The following PREX2 variants were observed in gnomAD, a reference collection of about 807,000 sequenced individuals.
PREX2 encodes phosphatidylinositol-3,4,5-trisphosphate dependent Rac exchange factor 2.
In PREX2, 107 loss-of-function variants were observed where a neutral mutation model predicts 203.2. The observed-to-expected ratio is 0.53, with a 90% CI of 0.45 to 0.62. The LOEUF (loss-of-function observed/expected upper bound fraction) is 0.62, where lower values mean the gene tolerates loss of function less well. Among genes scored for constraint, PREX2 ranks in the 20% least tolerant of loss-of-function variants. The probability of loss-of-function intolerance (pLI) is 0.00; values close to 1 mark genes in which losing one functional copy is unlikely to be tolerated. For missense variants in PREX2, 1,777 were observed against 1,955.9 expected, an observed-to-expected ratio of 0.91 and a Z score of 1.72; for synonymous variants, 672 against 663.6, an observed-to-expected ratio of 1.01 and a Z score of -0.19.
At chr8:68,203,112 A>G (rs1388217153) in intron 37 of PREX2, among the ~76,000 whole-genome samples, 1 of 152,150 alleles carries the variant, frequency 6.6e-6, no homozygotes, top group Non-Finnish European at 1.5e-5. Flanking sequence ...CAGCTCAATC[A>G]TTCTAATCAA....
At chr8:68,116,898 C>T (rs1285007242) in intron 26 of PREX2, among the ~76,000 whole-genome samples, 1 of 152,160 alleles carries the variant, frequency 6.6e-6, no homozygotes, top group Non-Finnish European at 1.5e-5. Context: ...ATGATGTCTC[C>T]TCACGTGAAC....
At chr8:68,181,355 C>G (rs1812081638) in intron 35 of PREX2, among the ~76,000 whole-genome samples, 1 of 152,082 alleles carries the variant, frequency 6.6e-6, no homozygotes, top group African/African-American at 2.4e-5. Context: ...ATAATTCTAG[C>G]CATATTCCAT....
chr8:67,998,494 G>A (rs1234592187), intron 1 of PREX2, among the ~76,000 whole-genome samples: 1 of 152,190 alleles, frequency 6.6e-6, no homozygotes, highest in Non-Finnish European at 1.5e-5. Flanking sequence ...CTGAATCCAG[G>A]TATGTTGACT....
rs116660159 is a variant in PREX2, at chr8:68,194,973, G to A, written c.4604+2448G>A. On this transcript the variant is annotated intron_variant, in intron 37 of 39. Coordinates refer to ENST00000288368, the MANE Select transcript of PREX2 (RefSeq NM_024870.4). The stretch of plus-strand genomic sequence containing the variant: ...CAAAGCATCATTGCCTTGAGTATTT[G>A]TGCTCTTCTCTTACCCTGGTACAAG... Among the ~76,000 whole-genome samples, 1,137 of 152,240 alleles carry A rather than the reference G, an allele frequency of 7.5e-3. 14 individuals carry two copies. The highest frequency in any genetic ancestry group is 0.026 in the African/African-American group (1,098 of 41,540).
At chr8:68,171,720 T>C (rs1811881732) in intron 35 of PREX2, among the ~76,000 whole-genome samples, 2 of 151,988 alleles carry the variant, frequency 1.3e-5, no homozygotes, top group South Asian at 4.2e-4. Flanking sequence ...ACAAACAGTA[T>C]ATAGAAATAG....
intron 1 of PREX2, among the ~76,000 whole-genome samples, chr8:67,954,742 A>G (rs2129016443): frequency 6.6e-6 from 1 of 152,356 alleles, no homozygotes; most frequent in South Asian, 2.1e-4. Context: ...AGCCATTAAC[A>G]TGGATGAAGG....
At chr8:68,207,232 A>G (rs892596738) in intron 37 of PREX2, among the ~76,000 whole-genome samples, 2 of 152,210 alleles carry the variant, frequency 1.3e-5, no homozygotes, top group Admixed American at 1.3e-4. Flanking sequence ...AGAAAGGGAA[A>G]TGCAAGGCAA....
At chr8:68,192,136 G>A (rs911338082) in intron 36 of PREX2, among the ~76,000 whole-genome samples, 199 bp from the exon 37 acceptor site, 2 of 152,266 alleles carry the variant, frequency 1.3e-5, no homozygotes, top group Middle Eastern at 3.4e-3. Flanking sequence ...AAGGATTGCA[G>A]TTAGTGCTAT....
chr8:68,052,341 T>G lies in PREX2; in HGVS notation c.944-756T>G, dbSNP rs976952083. ...TCGTTTGCAAGTTATGTCACTATTC[T>G]CTACCCGCTGTTAGGCAGACAGCTA... is the stretch of plus-strand genomic sequence containing the variant. On this transcript the variant is annotated intron_variant, in intron 8 of 39. Coordinates refer to ENST00000288368, the MANE Select transcript of PREX2 (RefSeq NM_024870.4). 5.9e-5 allele frequency among the ~76,000 whole-genome samples: 9 copies of G among 152,306 alleles called. No individual in the cohort carries two copies. The Middle Eastern group carries it at 0.014, about 230-fold the overall frequency.
chr8:68,031,675 T>G (rs1807885321), intron 6 of PREX2, among the ~76,000 whole-genome samples: 1 of 152,170 alleles, frequency 6.6e-6, no homozygotes, highest in African/African-American at 2.4e-5. Context: ...CTCTTTCCAT[T>G]TCAAGTGTCC....
intron 1 of PREX2, among the ~76,000 whole-genome samples, chr8:67,968,191 A>G (rs982440870): frequency 7.2e-5 from 11 of 151,922 alleles, no homozygotes; most frequent in African/African-American, 2.4e-4. Flanking sequence ...AGAGGCCCCT[A>G]TGTGGCCTGT....
chr8:68,030,172 T>G (rs1210062312), intron 5 of PREX2, among the ~76,000 whole-genome samples: 13 of 152,162 alleles, frequency 8.5e-5, no homozygotes, highest in Admixed American at 8.5e-4. Flanking sequence ...AAAGATGTGC[T>G]TCTGTTAGAA....
chr8:68,016,978 A>C (rs923007559), intron 1 of PREX2, among the ~76,000 whole-genome samples: 3 of 152,166 alleles, frequency 2.0e-5, no homozygotes, highest in Admixed American at 2.0e-4. Flanking sequence ...GTACCATTTT[A>C]TACTCTTATT....
At chr8:68,077,809 T>A (rs1251925515) in intron 15 of PREX2, among the ~76,000 whole-genome samples, 2 of 152,234 alleles carry the variant, frequency 1.3e-5, no homozygotes, top group Non-Finnish European at 2.9e-5. Flanking sequence ...AGATTAGACT[T>A]ATGGTTTTAT....
At chr8:68,156,695 T>A (rs1442943287) in intron 34 of PREX2, among the ~76,000 whole-genome samples, 1 of 152,130 alleles carries the variant, frequency 6.6e-6, no homozygotes, top group Non-Finnish European at 1.5e-5. Context: ...GGCTTAAATA[T>A]AACCATTTTC....
chr8:68,159,281 T>C (rs1289223663), intron 35 of PREX2, among the ~76,000 whole-genome samples: 2 of 152,246 alleles, frequency 1.3e-5, no homozygotes. Flanking sequence ...CAGTTCTCCA[T>C]TTTTACCAAA....
intron 9 of PREX2, among the ~76,000 whole-genome samples, chr8:68,053,468 T>C (rs1163337585): frequency 6.6e-6 from 1 of 152,210 alleles, no homozygotes; most frequent in Non-Finnish European, 1.5e-5. Context: ...ATTTGATACT[T>C]ACAAAATTGT....
intron 39 of PREX2, among the ~76,000 whole-genome samples, chr8:68,227,352 A>G (rs1435692311): frequency 6.6e-6 from 1 of 152,186 alleles, no homozygotes; most frequent in Non-Finnish European, 1.5e-5. Flanking sequence ...TTTGGCTTGG[A>G]TAATGAGGTG....
chr8:68,030,586 A>G lies in PREX2; in HGVS notation c.633A>G (p.Ile211Met). The change falls in exon 6 of 40, where the codon ATA becomes ATG. Residue 211 changes from isoleucine to methionine, a missense_variant. Coordinates refer to ENST00000288368, the MANE Select transcript of PREX2 (RefSeq NM_024870.4). The part of the protein sequence containing the change: ...LQAMKAVCSN[I>M]NEAKRQMEKL... ...CCATGAAAGCTGTCTGTTCCAACAT[A>G]AACGAGGCCAAGAGACAGATGGAGA... is the stretch of plus-strand genomic sequence containing the variant. 1 of 1,613,716 alleles carries G rather than the reference A, an allele frequency of 6.2e-7. No individual in the cohort carries two copies. Among genetic ancestry groups the G allele is most frequent in the African/African-American group, 1.3e-5 (1 of 75,016 alleles).
Sources: gnomAD v4.1 joint callset for allele counts (sites outside exome capture counted in the v4.1 genomes callset) on GRCh38, gnomAD v4.1.1 for gene constraint, MANE v1.5 for transcripts, NCBI Gene and HGNC (gene_info 2026-07-23, HGNC 2026-07-21) for gene names.